RERE: variants seen among roughly 807,000 people sequenced by gnomAD.
RERE encodes arginine-glutamic acid dipeptide repeats.
RERE carries 40 observed loss-of-function variants against 146.1 expected under a neutral mutation model. The ratio of observed to expected loss-of-function variants is 0.27; its 90% CI spans 0.21 to 0.36. The LOEUF is 0.36. RERE is among the 10% of genes least tolerant of loss of function. The pLI is 1.00. For synonymous variants in RERE, 1,003 were observed against 866.0 expected, an observed-to-expected ratio of 1.16 and a Z score of -2.78; for missense variants, 1,933 against 2,138.7, an observed-to-expected ratio of 0.90 and a Z score of 1.90.
intron 7 of RERE, among the ~76,000 whole-genome samples, chr1:8,525,067 G>T (rs1490991133): frequency 6.6e-6 from 1 of 152,014 alleles, no homozygotes; most frequent in African/African-American, 2.4e-5. Context: ...AATTGCCAAA[G>T]AATTTTCCAT....
At chr1:8,696,047 C>T (rs1639323900) in intron 1 of RERE, among the ~76,000 whole-genome samples, 1 of 152,052 alleles carries the variant, frequency 6.6e-6, no homozygotes, top group Non-Finnish European at 1.5e-5. Flanking sequence ...TCACGCCAGT[C>T]AGAATGGCTA....
At chr1:8,526,637 A>T (rs1454389529) in intron 7 of RERE, among the ~76,000 whole-genome samples, 1 of 152,196 alleles carries the variant, frequency 6.6e-6, no homozygotes, top group Non-Finnish European at 1.5e-5. Flanking sequence ...GAAACTAAAA[A>T]TAATAAATAA....
intron 1 of RERE, among the ~76,000 whole-genome samples, chr1:8,707,302 A>T (rs1432366975): frequency 6.6e-6 from 1 of 152,218 alleles, no homozygotes; most frequent in Non-Finnish European, 1.5e-5. Context: ...AGTCTAGTTA[A>T]ACTAACATTA....
At position 8,423,804 on chromosome 1, in the gene RERE, C is replaced by G. The variant is rs897158529; in HGVS notation, c.1204-997G>C. 127 of 595,458 alleles carry G rather than the reference C, an allele frequency of 2.1e-4. No homozygotes were observed. The highest frequency in any genetic ancestry group is 2.5e-4 in the Non-Finnish European group (121 of 476,950). 36.9% of individuals were successfully genotyped at this position (595,458 alleles called of 1,614,324 possible). ...AGGCAGGAGCGCGGCGCGCAGAGCCCGGCGCGGCCGCGGGCGGCTGCAAAA... is the reference window on the plus strand; with the variant it reads ...AGGCAGGAGCGCGGCGCGCAGAGCCGGGCGCGGCCGCGGGCGGCTGCAAAA... On this transcript the variant is annotated intron_variant, in intron 11 of 22. Coordinates refer to ENST00000400908, the MANE Select transcript of RERE (RefSeq NM_001042681.2). This position sits in a 1 kb window ranked among gnomAD's most constrained non-coding sequence, Gnocchi z 5.4.
chr1:8,569,558 A>G (rs1646194474), intron 4 of RERE, among the ~76,000 whole-genome samples: 1 of 152,210 alleles, frequency 6.6e-6, no homozygotes, highest in African/African-American at 2.4e-5. Flanking sequence ...TACATGGCAG[A>G]GATTTTACAA....
At chr1:8,742,216 G>C (rs1640323522) in intron 1 of RERE, among the ~76,000 whole-genome samples, 1 of 152,124 alleles carries the variant, frequency 6.6e-6, no homozygotes, top group Non-Finnish European at 1.5e-5. Flanking sequence ...TCAGTAACTT[G>C]TTTACCCAAC....
intron 1 of RERE, among the ~76,000 whole-genome samples, chr1:8,790,202 G>C (rs1201573169): frequency 6.6e-6 from 1 of 152,070 alleles, no homozygotes; most frequent in Non-Finnish European, 1.5e-5. Context: ...ATTAGGACTA[G>C]ACTTATGTGC....
intron 1 of RERE, chr1:8,806,865 C>T (rs1383732642): frequency 6.6e-6 from 1 of 152,194 alleles, no homozygotes; most frequent in African/African-American, 2.4e-5. Context: ...TTCAGCTTTG[C>T]TCTGCTAATA....
In RERE at chr1:8,364,668, G is replaced by T; in HGVS notation, c.1540+78C>A. On this transcript the variant is annotated intron_variant, in intron 14 of 22. Transcript: ENST00000400908. The surrounding 1 kb of genome is among the most constrained non-coding windows in gnomAD (Gnocchi z 5.1). The stretch of plus-strand genomic sequence containing the variant: ...AAGTACTGTCCCTGGCAGGTTTCCA[G>T]CTGGATGCATGAAATGTTCAGAACA... 1.9e-6 allele frequency: 2 copies of T among 1,037,286 alleles called. No homozygotes were observed. Among genetic ancestry groups the T allele is most frequent in the African/African-American group, 1.6e-5 (1 of 64,058 alleles). The allele number at this position is 1,037,286 out of a possible 1,614,324, so 64.3% of individuals were successfully genotyped here.
rs1313102590 is a variant in RERE at position 8,817,269 on chromosome 1, G to C, written c.-254C>G. On this transcript the variant is annotated 5_prime_UTR_variant, in exon 1 of 23. Coordinates refer to ENST00000400908, the MANE Select transcript of RERE (RefSeq NM_001042681.2). ...CGCGGAGGCTGCGGGGCCGCGGGGC[G>C]CAGGGCCGAGAGGGGCGGCCCGCGG... is the stretch of plus-strand genomic sequence containing the variant. 1 of 152,376 alleles carries C rather than the reference G, an allele frequency of 6.6e-6. No homozygotes were observed. 9.4% of individuals were successfully genotyped at this position (152,376 alleles called of 1,614,324 possible).
intron 1 of RERE, among the ~76,000 whole-genome samples, chr1:8,701,197 G>A (rs187674437): frequency 2.6e-5 from 4 of 151,902 alleles, no homozygotes; most frequent in African/African-American, 4.8e-5. Flanking sequence ...CGTTGATGGG[G>A]TTTACCATCA....
chr1:8,812,394 C>T lies in RERE; in HGVS notation c.-145+4766G>A, dbSNP rs565768733. On this transcript the variant is annotated intron_variant, in intron 1 of 22. Coordinates refer to ENST00000400908, the MANE Select transcript of RERE (RefSeq NM_001042681.2). ...GTGTGCAGTGGCTCACGCCTGTAATCCCGGCCCTTTAGGAAGCCAAGGCAG... is the reference window on the plus strand; with the variant it reads ...GTGTGCAGTGGCTCACGCCTGTAATTCCGGCCCTTTAGGAAGCCAAGGCAG... Among the ~76,000 whole-genome samples, 9 of 152,324 alleles carry T rather than the reference C, an allele frequency of 5.9e-5. No individual in the cohort carries two copies. The South Asian group carries it at 1.7e-3, about 28-fold the overall frequency.
chr1:8,440,812 G>A (rs976379471), intron 11 of RERE, among the ~76,000 whole-genome samples: 4 of 150,902 alleles, frequency 2.7e-5, no homozygotes, highest in East Asian at 1.9e-4. Context: ...CAGGAGAATC[G>A]CTTGAACCCA....
rs1557586815 is a variant in RERE at position 8,360,864 on chromosome 1, G to A, written c.2643C>T (p.Gly881=). The A allele has an allele frequency of 6.5e-7, 1 of 1,529,644 alleles. No individual in the cohort carries two copies. The highest frequency in any genetic ancestry group is 1.2e-5 in the South Asian group (1 of 83,494). The allele number at this position is 1,529,644 out of a possible 1,614,324, so 94.8% of individuals were successfully genotyped here. A position where few individuals can be genotyped will look rare whatever the true frequency, so the allele number is the denominator to read the frequency against. The part of the protein sequence containing the change: ...PFGLPPQASQ[G]QAPLGTSPAA... ...CTGGGGAGGTCCCCAGAGGGGCCTG[G>A]CCTTGGGAGGCCTGGGGAGGGAGGC... Residue 881 remains glycine, a synonymous_variant, in exon 18 of 23, where the codon GGC becomes GGT. Transcript: ENST00000400908.
chr1:8,632,948 A>G (rs1354314307), intron 2 of RERE, among the ~76,000 whole-genome samples: 1 of 152,238 alleles, frequency 6.6e-6, no homozygotes, highest in Non-Finnish European at 1.5e-5. Context: ...AGACATTTTT[A>G]AAAACATACT....
rs753294681 is a variant in RERE at position 8,360,158 on chromosome 1, C to T, written c.3349G>A (p.Glu1117Lys). The T allele has an allele frequency of 6.3e-7, 1 of 1,598,076 alleles. No individual in the cohort carries two copies. The highest frequency in any genetic ancestry group is 2.2e-5 in the East Asian group (1 of 44,578). Reference protein sequence around the residue: ...PPPPPRSPSPEPTVVDTPSHA... With the variant: ...PPPPPRSPSPKPTVVDTPSHA... ...CTGGGGGTGTCCACCACAGTGGGCTCCGGGGACGGGCTCCTTGGTGGGGGA... is the reference window on the plus strand; with the variant it reads ...CTGGGGGTGTCCACCACAGTGGGCTTCGGGGACGGGCTCCTTGGTGGGGGA... The change falls in exon 18 of 23, where the codon GAG becomes AAG. Residue 1117 changes from glutamate (E) to lysine (K), a missense_variant. By Grantham distance (56) the Glu-to-Lys change is moderately conservative. This residue lies in a region of RERE where 1,255 missense variants were observed against 1,153.8 expected (regional missense o/e 1.09). Transcript: ENST00000400908.
chr1:8,359,869 C>T lies in RERE; in HGVS notation c.3513G>A (p.Lys1171=), dbSNP rs777514022. The T allele has an allele frequency of 1.1e-5, 17 of 1,612,658 alleles. No homozygotes were observed. In the Admixed American group the frequency reaches 1.5e-4, roughly 14 times the overall value. Residue 1171 remains lysine, a synonymous_variant, in exon 19 of 23, where the codon AAG becomes AAA. Transcript: ENST00000400908. ...KKREEAIEKA[K]REAEQKAREE... ...CTCGGGCTTTCTGCTCAGCCTCGCGCTTGGCCTTCTCAATGGCCTCCTCCC... is the reference window on the plus strand; with the variant it reads ...CTCGGGCTTTCTGCTCAGCCTCGCGTTTGGCCTTCTCAATGGCCTCCTCCC...
At chr1:8,483,732 A>G (rs1474625893) in intron 10 of RERE, among the ~76,000 whole-genome samples, 3 of 152,228 alleles carry the variant, frequency 2.0e-5, no homozygotes, top group Non-Finnish European at 4.4e-5. Flanking sequence ...CCAGAGATGA[A>G]AAACTATGAA....
intron 11 of RERE, among the ~76,000 whole-genome samples, chr1:8,439,629 A>C (rs1644219280): frequency 6.6e-6 from 1 of 152,244 alleles, no homozygotes; most frequent in South Asian, 2.1e-4. Flanking sequence ...AGGAGCAAGA[A>C]AGGTCAATGA....
Sources: gnomAD v4.1 joint callset for allele counts (sites outside exome capture counted in the v4.1 genomes callset) on GRCh38, gnomAD v4.1.1 for gene constraint, gnomAD v4.1.1 regional missense constraint, Gnocchi (gnomAD v3.1) non-coding constraint, MANE v1.5 for transcripts, NCBI Gene and HGNC (gene_info 2026-07-23, HGNC 2026-07-21) for gene names.